SFSWAP: variants seen among roughly 807,000 people sequenced by gnomAD.
SFSWAP encodes the protein splicing factor SWAP, also known as splicing factor, suppressor of white-apricot homolog.
In SFSWAP, 17 loss-of-function variants were observed where a neutral mutation model predicts 100.7. The observed-to-expected ratio is 0.17, with a 90% CI of 0.12 to 0.25. The LOEUF is 0.25. Ranked by LOEUF, SFSWAP falls within the 10% of genes least tolerant of loss-of-function variation. SFSWAP has a pLI of 1.00. For missense variants in SFSWAP, 1,005 were observed against 1,262.6 expected, an observed-to-expected ratio of 0.80 and a Z score of 3.09; for synonymous variants, 504 against 510.1, an observed-to-expected ratio of 0.99 and a Z score of 0.16.
chr12:131,792,511 A>C (rs1244724665), intron 15 of SFSWAP, among the ~76,000 whole-genome samples: 1 of 135,834 alleles, frequency 7.4e-6, no homozygotes, highest in Non-Finnish European at 1.6e-5. Flanking sequence ...CTGTGTGTGC[A>C]TACGTGTGTG....
intron 16 of SFSWAP, among the ~76,000 whole-genome samples, chr12:131,798,618 G>T (rs1251099321): frequency 6.6e-6 from 1 of 152,148 alleles, no homozygotes; most frequent in Non-Finnish European, 1.5e-5. Flanking sequence ...GGGTGGGCGC[G>T]GCGGCTCACG....
At chr12:131,771,671 T>TTC (rs1883620140) in intron 13 of SFSWAP, among the ~76,000 whole-genome samples, 2 of 121,284 alleles carry the variant, frequency 1.6e-5, no homozygotes, top group African/African-American at 5.6e-5. Flanking sequence ...TTTTTTTTTT[T>TTC]TGAGACGGAG....
chr12:131,721,822 T>C (rs756593998), intron 4 of SFSWAP, among the ~76,000 whole-genome samples: 3 of 152,368 alleles, frequency 2.0e-5, no homozygotes, highest in East Asian at 3.9e-4. Flanking sequence ...TCTAATGATA[T>C]TATAGAAAGG....
At chr12:131,735,913 A>G (rs1319306556) in intron 7 of SFSWAP, among the ~76,000 whole-genome samples, 2 of 152,252 alleles carry the variant, frequency 1.3e-5, no homozygotes, top group Non-Finnish European at 2.9e-5. Flanking sequence ...GTTTGCATAA[A>G]TTTTCATCAA....
In SFSWAP at chr12:131,778,005, A is replaced by G. The variant is rs1884161455; in HGVS notation, c.2143-60A>G. 1.9e-6 allele frequency: 3 copies of G among 1,562,774 alleles called. No homozygotes were observed. The highest frequency in any genetic ancestry group is 2.2e-5 in the East Asian group (1 of 44,608). On this transcript the variant is annotated intron_variant, in intron 13 of 17. Transcript: ENST00000261674. The surrounding 1 kb of genome is among the most constrained non-coding windows in gnomAD (Gnocchi z 4.2). ...GGGGCCCAAAGTTGAAATTTTATAG[A>G]TATACATCTTCAATGTTCTGTTTTC...
At position 131,734,819 on chromosome 12, in the gene SFSWAP, G is replaced by A. The variant is rs1002300521; in HGVS notation, c.1081+6391G>A. ...TGCGTGCGCACGTCTACGTACGCTC[G>A]TGTATGCTGAGGAGCAGGCATTGGA... is the stretch of plus-strand genomic sequence containing the variant. On this transcript the variant is annotated intron_variant, in intron 7 of 17. Transcript: ENST00000261674. The surrounding 1 kb of genome is among the most constrained non-coding windows in gnomAD (Gnocchi z 4.9). 2.0e-5 allele frequency among the ~76,000 whole-genome samples: 3 copies of A among 151,936 alleles called. No individual in the cohort carries two copies. The highest frequency in any genetic ancestry group is 2.9e-5 in the Non-Finnish European group (2 of 68,006).
intron 9 of SFSWAP, among the ~76,000 whole-genome samples, chr12:131,754,710 T>C (rs190594249): frequency 1.9e-4 from 26 of 140,394 alleles, no homozygotes; most frequent in African/African-American, 6.5e-4. Context: ...CTTGATTGAC[T>C]GTAACCTCTA....
At position 131,753,334 on chromosome 12, in the gene SFSWAP, C is replaced by T. The variant is rs139531115; in HGVS notation, c.1293C>T (p.Ser431=). The T allele has an allele frequency of 9.1e-5, 147 of 1,612,182 alleles. No individual in the cohort carries two copies. In the African/African-American group the frequency reaches 1.3e-3, roughly 14 times the overall value. ...CCCCAACCACAGCAGAGACTAGCAG[C>T]GGGGCCACCTCCACAACCACCACCA... is the stretch of plus-strand genomic sequence containing the variant. The part of the protein sequence containing the change: ...LPPPTTAETS[S]GATSTTTTTS... The change falls in exon 8 of 18, where the codon AGC becomes AGT. Residue 431 remains serine (S), a synonymous_variant. Coordinates refer to ENST00000261674, the MANE Select transcript of SFSWAP (RefSeq NM_004592.4).
Position 131,725,856 on chromosome 12 carries a change from G to A in SFSWAP, c.832+226G>A, listed in dbSNP as rs970855236. On this transcript the variant is annotated intron_variant, in intron 5 of 17. Transcript: ENST00000261674. The surrounding 1 kb of genome is among the most constrained non-coding windows in gnomAD (Gnocchi z 4.3). Reference sequence around the variant, plus strand: ...TTTGGTTAATATTTTATAGATAAATGAAATATAACTAAATATTGATGCTGT... The same window carrying A: ...TTTGGTTAATATTTTATAGATAAATAAAATATAACTAAATATTGATGCTGT... 6.6e-6 allele frequency among the ~76,000 whole-genome samples: 1 copy of A among 152,138 alleles called. No individual in the cohort carries two copies. The highest frequency in any genetic ancestry group is 6.5e-5 in the Admixed American group (1 of 15,280).
intron 8 of SFSWAP, 91 bp downstream of exon 8, chr12:131,753,454 C>G: frequency 6.8e-7 from 1 of 1,471,320 alleles, no homozygotes; most frequent in African/African-American, 1.4e-5. Flanking sequence ...GGCTTGTAAT[C>G]TAGATCATAT....
rs1252017292 is a variant in SFSWAP, at chr12:131,719,534, G to C, written c.601G>C (p.Glu201Gln). Reference sequence around the variant, plus strand: ...AGGATTGAGCGTCCCGTCTGACGTGGAGTTGGTATGTGTCCTGCATGAGCA... The same window carrying C: ...AGGATTGAGCGTCCCGTCTGACGTGCAGTTGGTATGTGTCCTGCATGAGCA... The part of the protein sequence containing the change: ...PLGLSVPSDV[E>Q]LPPTAKMHAI... The change falls in exon 4 of 18, where the codon GAG becomes CAG. Residue 201 changes from glutamate to glutamine, a missense_variant. Glu to Gln is a conservative substitution (Grantham distance 29). Coordinates refer to ENST00000261674, the MANE Select transcript of SFSWAP (RefSeq NM_004592.4). The C allele has an allele frequency of 1.2e-6, 2 of 1,610,646 alleles. No homozygotes were observed. Among genetic ancestry groups the C allele is most frequent in the Non-Finnish European group, 8.5e-7 (1 of 1,176,908 alleles).
chr12:131,769,293 T>A (rs1401576285), intron 13 of SFSWAP, among the ~76,000 whole-genome samples: 1 of 152,098 alleles, frequency 6.6e-6, no homozygotes, highest in Admixed American at 6.6e-5. Flanking sequence ...AAAATATGCA[T>A]GTAGCAAGGA....
At chr12:131,726,850 T>A in intron 5 of SFSWAP, 90 bp from the exon 6 acceptor site, 1 of 815,114 alleles carries the variant, frequency 1.2e-6, no homozygotes, top group African/African-American at 1.7e-5. Context: ...ATAACCAAGA[T>A]AACTTGGCTG....
chr12:131,754,547 C>A, intron 9 of SFSWAP, 48 bp downstream of exon 9: 2 of 1,240,134 alleles, frequency 1.6e-6, no homozygotes, highest in Non-Finnish European at 2.1e-6. Context: ...TTGGGGGTTT[C>A]GTTTAGCCTT....
At chr12:131,754,283 T>C in intron 8 of SFSWAP, 85 bp from the exon 9 acceptor site, 2 of 1,082,526 alleles carry the variant, frequency 1.8e-6, no homozygotes, top group Non-Finnish European at 2.6e-6. Flanking sequence ...TCCGGGCATC[T>C]GAGGCGGTGA....
At chr12:131,770,842 C>T (rs1883528512) in intron 13 of SFSWAP, among the ~76,000 whole-genome samples, 1 of 152,188 alleles carries the variant, frequency 6.6e-6, no homozygotes, top group South Asian at 2.1e-4. Context: ...TAAATAGTAA[C>T]TCTCTGCCCT....
At chr12:131,750,374 G>C (rs908674688) in intron 7 of SFSWAP, among the ~76,000 whole-genome samples, 24 of 152,214 alleles carry the variant, frequency 1.6e-4, no homozygotes, top group Non-Finnish European at 5.9e-5. Context: ...ATTTCTCTTG[G>C]AGTCCTTTTG....
chr12:131,735,264 C>T (rs1053950981), intron 7 of SFSWAP, among the ~76,000 whole-genome samples: 2 of 152,206 alleles, frequency 1.3e-5, no homozygotes, highest in Non-Finnish European at 2.9e-5. Flanking sequence ...AAGATTTATG[C>T]GCGCTTTCTG....
chr12:131,748,729 G>C (rs1170729157), intron 7 of SFSWAP, among the ~76,000 whole-genome samples: 1 of 152,254 alleles, frequency 6.6e-6, no homozygotes, highest in African/African-American at 2.4e-5. Context: ...AGAGGAGGCA[G>C]TATTGGAGAA....
Sources: allele counts gnomAD v4.1 joint callset (sites outside exome capture counted in the v4.1 genomes callset), GRCh38; gene constraint gnomAD v4.1.1; non-coding constraint Gnocchi (gnomAD v3.1); transcripts MANE v1.5; gene names NCBI Gene and HGNC (gene_info 2026-07-23, HGNC 2026-07-21).